CEP128: variants seen among roughly 807,000 people sequenced by gnomAD.
CEP128 encodes the protein centrosomal protein 128kDa.
In CEP128, 132 loss-of-function variants were observed where a neutral mutation model predicts 156.7. That is an observed-to-expected ratio of 0.84 (90% CI 0.73 to 0.97). The LOEUF (loss-of-function observed/expected upper bound fraction) is 0.97. CEP128 is among the 50% of genes least tolerant of loss of function. The probability of loss-of-function intolerance (pLI) is 0.00; values close to 1 mark genes in which losing one functional copy is unlikely to be tolerated. For missense variants in CEP128, 1,252 were observed against 1,281.9 expected, an observed-to-expected ratio of 0.98 and a Z score of 0.36; for synonymous variants, 469 against 448.9, an observed-to-expected ratio of 1.04 and a Z score of -0.57.
At chr14:80,515,282 G>T (rs899665925) in intron 23 of CEP128, among the ~76,000 whole-genome samples, 1 of 152,126 alleles carries the variant, frequency 6.6e-6, no homozygotes, top group African/African-American at 2.4e-5. Context: ...CCTTCAGAGT[G>T]GTGAGCTCTG....
At chr14:80,838,378 C>T (rs1886191649) in intron 10 of CEP128, 100 bp from the exon 11 acceptor site, 2 of 769,470 alleles carry the variant, frequency 2.6e-6, no homozygotes, top group Admixed American at 4.5e-5. Flanking sequence ...GAAAAGTTTT[C>T]AGAAGACATT....
chr14:80,733,336 G>A (rs931767537), intron 19 of CEP128, among the ~76,000 whole-genome samples: 26 of 133,208 alleles, frequency 2.0e-4, no homozygotes, highest in African/African-American at 6.8e-4. Context: ...TAACCACATG[G>A]GTCGTGTGTG....
At chr14:80,606,951 C>A (rs1892803745) in intron 19 of CEP128, among the ~76,000 whole-genome samples, 1 of 150,090 alleles carries the variant, frequency 6.7e-6, no homozygotes, top group East Asian at 1.9e-4. Flanking sequence ...TAAACTCTTA[C>A]CTTGTTTTGA....
At chr14:80,759,017 T>C (rs553133547) in intron 17 of CEP128, among the ~76,000 whole-genome samples, 1 of 152,262 alleles carries the variant, frequency 6.6e-6, no homozygotes, top group South Asian at 2.1e-4. Flanking sequence ...CCAAGTGTTA[T>C]GGAAAGAGAG....
chr14:80,874,319 C>G (rs1459648773), intron 8 of CEP128, among the ~76,000 whole-genome samples: 2 of 151,764 alleles, frequency 1.3e-5, no homozygotes, highest in Non-Finnish European at 2.9e-5. Context: ...CAAAAATTAG[C>G]CAAGTGTCAT....
chr14:80,915,706 C>T (rs1884509016), intron 3 of CEP128, among the ~76,000 whole-genome samples: 2 of 152,198 alleles, frequency 1.3e-5, no homozygotes, highest in South Asian at 4.1e-4. Context: ...TGAGTAATTT[C>T]TCTAAAGGCA....
intron 19 of CEP128, among the ~76,000 whole-genome samples, chr14:80,631,036 T>G (rs1417388962): frequency 6.6e-6 from 1 of 152,046 alleles, no homozygotes; most frequent in East Asian, 1.9e-4. Context: ...ACTCATGCTT[T>G]TTCGAGTCAA....
intron 21 of CEP128, among the ~76,000 whole-genome samples, chr14:80,551,215 T>G (rs1167305472): frequency 6.6e-6 from 1 of 152,220 alleles, no homozygotes; most frequent in Non-Finnish European, 1.5e-5. Context: ...TGTAGTTATT[T>G]AGACCATTTA....
At chr14:80,953,596 C>CA (rs1429087943) in intron 2 of CEP128, among the ~76,000 whole-genome samples, 1 of 151,884 alleles carries the variant, frequency 6.6e-6, no homozygotes, top group African/African-American at 2.4e-5. Context: ...AACAAACAAA[C>CA]AAAAAAAGGA....
chr14:80,563,760 C>T (rs1890796565), intron 20 of CEP128, among the ~76,000 whole-genome samples: 1 of 152,018 alleles, frequency 6.6e-6, no homozygotes, highest in Admixed American at 6.6e-5. Context: ...TGGTCTTGAT[C>T]TCCTGACCTC....
intron 20 of CEP128, among the ~76,000 whole-genome samples, chr14:80,571,956 T>C (rs1271147838): frequency 1.3e-5 from 2 of 152,222 alleles, no homozygotes; most frequent in Non-Finnish European, 2.9e-5. Context: ...CAATAGTAGT[T>C]ACGTACCTTG....
In CEP128 at chr14:80,904,665, C is replaced by T; in HGVS notation, c.480+148G>A. On this transcript the variant is annotated intron_variant, in intron 6 of 24. Transcript: ENST00000555265. ...AATAATAAAAAGTAAAAGTCGTTTA[C>T]TTGGTTCCAAAAAAAGGGATCAGTA... 3 of 570,484 alleles carry T rather than the reference C, an allele frequency of 5.3e-6. No homozygotes were observed. In the East Asian group the frequency reaches 8.2e-5, roughly 16 times the overall value. The allele number at this position is 570,484 out of a possible 1,614,324, so 35.3% of individuals were successfully genotyped here.
intron 12 of CEP128, 76 bp downstream of exon 12, chr14:80,836,129 T>C (rs1886061088): frequency 2.2e-6 from 3 of 1,356,890 alleles, no homozygotes; most frequent in Non-Finnish European, 2.1e-6. Context: ...ATTCTGAGGA[T>C]GAAAAGTATT....
At chr14:80,899,882 C>T in intron 7 of CEP128, 56 bp downstream of exon 7, 1 of 1,185,910 alleles carries the variant, frequency 8.4e-7, no homozygotes, top group Non-Finnish European at 1.2e-6. Flanking sequence ...ATTACAGAAG[C>T]TAATTTATTC....
At chr14:80,904,524 A>C (rs1192707141) in intron 6 of CEP128, among the ~76,000 whole-genome samples, 2 of 152,146 alleles carry the variant, frequency 1.3e-5, no homozygotes, top group Non-Finnish European at 2.9e-5. Flanking sequence ...AAAAATGATA[A>C]GCAAGGTGAT....
chr14:80,862,674 G>A, intron 9 of CEP128, 83 bp downstream of exon 9: 1 of 893,822 alleles, frequency 1.1e-6, no homozygotes, highest in Non-Finnish European at 1.9e-6. Flanking sequence ...GAATTATACT[G>A]TCACATGCAA....
intron 14 of CEP128, among the ~76,000 whole-genome samples, chr14:80,479,038 G>A (rs1490942084): frequency 6.6e-6 from 1 of 152,158 alleles, no homozygotes; most frequent in African/African-American, 2.4e-5. Context: ...AGGTTCTGAG[G>A]TTGACACTTT....
At chr14:80,714,434 T>C (rs1897528797) in intron 19 of CEP128, among the ~76,000 whole-genome samples, 1 of 152,116 alleles carries the variant, frequency 6.6e-6, no homozygotes, top group Admixed American at 6.5e-5. Context: ...TAAAAGGCCA[T>C]TATGTACATA....
At chr14:80,540,973 T>G (rs545656320) in intron 21 of CEP128, among the ~76,000 whole-genome samples, 1 of 152,286 alleles carries the variant, frequency 6.6e-6, no homozygotes, top group Admixed American at 6.5e-5. Context: ...GTCATATATG[T>G]CCACAAAATG....
Sources: gnomAD v4.1 joint callset for allele counts (sites outside exome capture counted in the v4.1 genomes callset) on GRCh38, gnomAD v4.1.1 for gene constraint, MANE v1.5 for transcripts, NCBI Gene and HGNC (gene_info 2026-07-23, HGNC 2026-07-21) for gene names.